Variants in TBP observed in about 807,000 individuals in gnomAD.
The protein encoded by TBP is TATA-box-binding protein.
A neutral mutation model predicts 46.2 loss-of-function variants in TBP; 12 were observed. The observed-to-expected ratio is 0.26, with a 90% confidence interval of 0.17 to 0.42. The LOEUF (loss-of-function observed/expected upper bound fraction) is 0.42. Among genes scored for constraint, TBP ranks in the 10% least tolerant of loss-of-function variants. TBP has a pLI of 1.00. For missense variants in TBP, 229 were observed against 403.1 expected, an observed-to-expected ratio of 0.57 and a Z score of 3.70; for synonymous variants, 157 against 148.3, an observed-to-expected ratio of 1.06 and a Z score of -0.42.
At chr6:170,570,936 C>T (rs572572464) in intron 6 of TBP, among the ~76,000 whole-genome samples, 1 of 152,162 alleles carries the variant, frequency 6.6e-6, no homozygotes, top group South Asian at 2.1e-4. Context: ...ATTTCCTGAC[C>T]ACAATTGTCA....
chr6:170,562,766 G>A (rs1318433983), intron 3 of TBP, among the ~76,000 whole-genome samples: 3 of 152,178 alleles, frequency 2.0e-5, no homozygotes, highest in Non-Finnish European at 4.4e-5. Flanking sequence ...CAGTGTAGTA[G>A]GGGTAGGAAA....
At chr6:170,564,490 C>G in intron 3 of TBP, 55 bp from the exon 4 acceptor site, 1 of 1,279,926 alleles carries the variant, frequency 7.8e-7, no homozygotes, top group East Asian at 2.4e-5. Flanking sequence ...AACGCCTCAT[C>G]CAATGAAACT....
In TBP at chr6:170,572,279, C is replaced by A; in HGVS notation, c.*14C>A. 2 of 1,585,382 alleles carry A rather than the reference C, an allele frequency of 1.3e-6. No homozygotes were observed. The highest frequency in any genetic ancestry group is 2.2e-5 in the East Asian group (1 of 44,726). ...AAGACGACGTAATGGCTCTCATGTA[C>A]CCTTGCCTCCCCCACCCCCTTCTTT... On this transcript the variant is annotated 3_prime_UTR_variant, in exon 8 of 8. Transcript: ENST00000392092.
chr6:170,572,096 C>A, intron 7 of TBP, 90 bp from the exon 8 acceptor site: 1 of 1,002,984 alleles, frequency 1.0e-6, no homozygotes, highest in Non-Finnish European at 1.6e-6. Context: ...GAGAATTGTG[C>A]TTGCAGCTTT....
At chr6:170,572,064 C>T (rs992743561) in intron 7 of TBP, 122 bp from the exon 8 acceptor site, 13 of 760,916 alleles carry the variant, frequency 1.7e-5, no homozygotes, top group Non-Finnish European at 2.8e-5. Flanking sequence ...CATGCCTGTG[C>T]CTTAATCTGA....
In TBP at chr6:170,571,938, A is replaced by C. The variant is rs145927188; in HGVS notation, c.941-248A>C. ...TTCAGGACCAAGGAGAGAAGTGTGA[A>C]TACATGCCTCTTGAGCTATAGAATG... On this transcript the variant is annotated intron_variant, in intron 7 of 7. Coordinates refer to ENST00000392092, the MANE Select transcript of TBP (RefSeq NM_003194.5). 2.9e-3 allele frequency among the ~76,000 whole-genome samples: 434 copies of C among 151,878 alleles called. 3 individuals carry two copies. The highest frequency in any genetic ancestry group is 1.0e-2 in the African/African-American group (413 of 41,458).
intron 5 of TBP, among the ~76,000 whole-genome samples, chr6:170,568,815 CTTTTTTTTTTTTT>C (rs377394208): frequency 1.6e-5 from 1 of 62,610 alleles, no homozygotes. Flanking sequence ...CTTTCCTTTT[CTTTTTTTTTTTTT>C]TTTTTTTTTT....
chr6:170,564,700 T>G, intron 4 of TBP, 68 bp downstream of exon 4: 2 of 1,112,854 alleles, frequency 1.8e-6, no homozygotes, highest in Non-Finnish European at 2.6e-6. Flanking sequence ...CTCTATATTT[T>G]AATGTATTTC....
chr6:170,568,868 A>G (rs1294962103), intron 5 of TBP, among the ~76,000 whole-genome samples: 2 of 109,498 alleles, frequency 1.8e-5, no homozygotes, highest in Non-Finnish European at 3.3e-5. Context: ...GCTGGAGTGC[A>G]GTGGCACAAT....
intron 7 of TBP, 102 bp downstream of exon 7, chr6:170,571,606 G>T: frequency 1.1e-6 from 1 of 900,924 alleles, no homozygotes; most frequent in Non-Finnish European, 1.8e-6. Flanking sequence ...CAGTGGGCTA[G>T]CTTCTTGTAC....
chr6:170,554,412 G>A lies in TBP; in HGVS notation c.-200G>A, dbSNP rs1583121137. 1 of 152,606 alleles carries A rather than the reference G, an allele frequency of 6.6e-6. No homozygotes were observed. Among genetic ancestry groups the A allele is most frequent in the Middle Eastern group, 3.4e-3 (1 of 296 alleles). The allele number at this position is 152,606 out of a possible 1,614,324, so 9.5% of individuals were successfully genotyped here. A position where few individuals can be genotyped will look rare whatever the true frequency, so the allele number is the denominator to read the frequency against. On this transcript the variant is annotated 5_prime_UTR_variant, in exon 1 of 8. Transcript: ENST00000392092. ...CGCTGTGGCGGGCGCCTGGGCCGCC[G>A]GCTGTTTAACTTCGCTTCCGCTGGC... is the stretch of plus-strand genomic sequence containing the variant.
In TBP at chr6:170,572,415, C is replaced by T. The variant is rs1417663281; in HGVS notation, c.*150C>T. On this transcript the variant is annotated 3_prime_UTR_variant, in exon 8 of 8. Transcript: ENST00000392092. ...ACCAGGTGATGCCCTTCTGTAAGTG[C>T]CCACCGCGGGATGCCGGGAAGGGGC... The T allele has an allele frequency of 4.5e-6, 3 of 668,994 alleles. No individual in the cohort carries two copies. Among genetic ancestry groups the T allele is most frequent in the East Asian group, 2.7e-5 (1 of 37,358 alleles). 41.4% of individuals were successfully genotyped at this position (668,994 alleles called of 1,614,324 possible).
intron 4 of TBP, among the ~76,000 whole-genome samples, chr6:170,565,853 A>T (rs9348344): frequency 6.6e-6 from 1 of 151,930 alleles, no homozygotes; most frequent in Non-Finnish European, 1.5e-5. Context: ...TGGGAGGATC[A>T]CTTGAGGCCA....
At position 170,561,909 on chromosome 6, in the gene TBP, A is replaced by G. The variant is rs764966099; in HGVS notation, c.173A>G (p.Gln58Arg). Residue 58 changes from glutamine to arginine, a missense_variant, in exon 3 of 8, where the codon CAG becomes CGG. Transcript: ENST00000392092. ...TCTATTTTGGAAGAGCAACAAAGGC[A>G]GCAGCAGCAACAACAACAGCAGCAG... is the stretch of plus-strand genomic sequence containing the variant. ...SLSILEEQQR[Q>R]QQQQQQQQQQ... 8.2e-6 allele frequency: 13 copies of G among 1,587,980 alleles called. No individual in the cohort carries two copies. The highest frequency in any genetic ancestry group is 2.3e-5 in the East Asian group (1 of 43,722).
intron 6 of TBP, among the ~76,000 whole-genome samples, chr6:170,570,215 A>T (rs1000753231): frequency 6.6e-6 from 1 of 151,982 alleles, no homozygotes; most frequent in African/African-American, 2.4e-5. Flanking sequence ...GCAGGTGAAG[A>T]CTCACAGGCA....
intron 3 of TBP, 124 bp from the exon 4 acceptor site, chr6:170,564,421 G>A: frequency 1.7e-6 from 1 of 577,112 alleles, no homozygotes. Flanking sequence ...AACAATAAAT[G>A]TGAGCAATTA....
At chr6:170,556,361 C>T (rs552353890) in intron 1 of TBP, among the ~76,000 whole-genome samples, 6 of 100,442 alleles carry the variant, frequency 6.0e-5, no homozygotes, top group African/African-American at 1.0e-4. Context: ...TATCTTTGTG[C>T]GGCTTTTTTT....
At chr6:170,559,538 C>T (rs1779101459) in intron 2 of TBP, among the ~76,000 whole-genome samples, 2 of 152,326 alleles carry the variant, frequency 1.3e-5, no homozygotes, top group East Asian at 3.9e-4. Flanking sequence ...AAGGCCTTAA[C>T]TCTCTTCAAT....
In TBP at chr6:170,572,844, G is replaced by A. The variant is rs1310457525; in HGVS notation, c.*579G>A. The A allele has an allele frequency of 6.6e-6, 1 of 152,586 alleles. No individual in the cohort carries two copies. The highest frequency in any genetic ancestry group is 1.9e-4 in the East Asian group (1 of 5,202). 9.5% of individuals were successfully genotyped at this position (152,586 alleles called of 1,614,324 possible). On this transcript the variant is annotated 3_prime_UTR_variant, in exon 8 of 8. Transcript: ENST00000392092. Reference sequence around the variant, plus strand: ...CAGAGTACTCTGTACAATAAATGCAGTTTATAAAAGTGTTAGATTGTTGTT... The same window carrying A: ...CAGAGTACTCTGTACAATAAATGCAATTTATAAAAGTGTTAGATTGTTGTT...
Sources: allele counts gnomAD v4.1 joint callset (sites outside exome capture counted in the v4.1 genomes callset), GRCh38; gene constraint gnomAD v4.1.1; transcripts MANE v1.5; gene names NCBI Gene and HGNC (gene_info 2026-07-23, HGNC 2026-07-21).